RBFOX1: variants seen among roughly 807,000 people sequenced by gnomAD.
RBFOX1 encodes RNA binding fox-1 homolog 1, also known as RNA binding protein fox-1 homolog 1.
In RBFOX1, 8 loss-of-function variants were observed where a neutral mutation model predicts 57.7. The observed-to-expected ratio is 0.14, with a 90% CI of 0.08 to 0.25. The LOEUF (loss-of-function observed/expected upper bound fraction) is 0.25. Ranked by LOEUF, RBFOX1 falls within the 10% of genes least tolerant of loss-of-function variation. The pLI is 1.00. For synonymous variants in RBFOX1, 326 were observed against 222.4 expected, an observed-to-expected ratio of 1.47 and a Z score of -4.15; for missense variants, 611 against 548.5, an observed-to-expected ratio of 1.11 and a Z score of -1.14.
At chr16:6,285,612 G>A (rs752073074) in intron 1 of RBFOX1, among the ~76,000 whole-genome samples, 2 of 152,148 alleles carry the variant, frequency 1.3e-5, no homozygotes, top group Non-Finnish European at 2.9e-5. Context: ...GTTCTGGTGA[G>A]AGGTTTGCTT....
intron 3 of RBFOX1, among the ~76,000 whole-genome samples, chr16:5,752,922 G>C (rs963186620): frequency 7.2e-5 from 11 of 152,302 alleles, no homozygotes; most frequent in Middle Eastern, 3.4e-3. Flanking sequence ...GCTGAGGCAA[G>C]AGGATCGCTT....
chr16:7,303,018 C>G (rs1322754634), intron 4 of RBFOX1, among the ~76,000 whole-genome samples: 1 of 152,188 alleles, frequency 6.6e-6, no homozygotes, highest in Non-Finnish European at 1.5e-5. Flanking sequence ...TTATCAGACA[C>G]GGACTTCCCT....
chr16:6,077,801 C>T (rs1201131282), intron 1 of RBFOX1, among the ~76,000 whole-genome samples: 3 of 151,888 alleles, frequency 2.0e-5, no homozygotes, highest in East Asian at 1.9e-4. Flanking sequence ...ACTGCAGCCT[C>T]GACCTCCTGG....
At chr16:5,850,002 CCTT>C (rs1312659767) in intron 3 of RBFOX1, among the ~76,000 whole-genome samples, 1 of 152,152 alleles carries the variant, frequency 6.6e-6, no homozygotes, top group Non-Finnish European at 1.5e-5. Context: ...GCTTGTTTCT[CCTT>C]CTAATTAATT....
chr16:7,250,924 C>T (rs150185089), intron 4 of RBFOX1, among the ~76,000 whole-genome samples: 11 of 152,210 alleles, frequency 7.2e-5, no homozygotes, highest in African/African-American at 1.9e-4. Flanking sequence ...TTATCATGTA[C>T]AACATGACGT....
chr16:6,035,685 C>G (rs1214701834), intron 1 of RBFOX1, among the ~76,000 whole-genome samples: 1 of 152,166 alleles, frequency 6.6e-6, no homozygotes. Context: ...ATTCTTTTCC[C>G]CCCTCATCAG....
At chr16:5,432,700 G>A (rs1567503277) in intron 1 of RBFOX1, among the ~76,000 whole-genome samples, 1 of 151,896 alleles carries the variant, frequency 6.6e-6, no homozygotes, top group Middle Eastern at 3.4e-3. Context: ...CCCAGGCTCC[G>A]AGTTTATGGG....
intron 4 of RBFOX1, among the ~76,000 whole-genome samples, chr16:7,223,300 G>C (rs1158629840): frequency 6.6e-6 from 1 of 152,178 alleles, no homozygotes; most frequent in East Asian, 1.9e-4. Context: ...TCTCTTGATT[G>C]TCAGAGCATG....
intron 4 of RBFOX1, among the ~76,000 whole-genome samples, chr16:7,338,236 C>T (rs1461152154): frequency 6.6e-6 from 1 of 151,118 alleles, no homozygotes; most frequent in African/African-American, 2.4e-5. Context: ...TATCATTTAC[C>T]GTTTCTATGC....
intron 3 of RBFOX1, among the ~76,000 whole-genome samples, chr16:6,921,686 A>G (rs918263396): frequency 6.0e-5 from 9 of 151,192 alleles, no homozygotes; most frequent in African/African-American, 2.2e-4. Context: ...AATAGACAGT[A>G]TGGCAGGCAG....
chr16:7,408,416 A>C (rs1342348401), intron 4 of RBFOX1, among the ~76,000 whole-genome samples: 2 of 152,236 alleles, frequency 1.3e-5, no homozygotes, highest in Non-Finnish European at 2.9e-5. Context: ...GTCACTGCAC[A>C]GAGATGAATG....
chr16:6,866,436 C>T (rs1215194376), intron 3 of RBFOX1, among the ~76,000 whole-genome samples: 1 of 151,562 alleles, frequency 6.6e-6, no homozygotes, highest in Non-Finnish European at 1.5e-5. Flanking sequence ...AGTGTCTTTC[C>T]CATCTGCATC....
At chr16:7,083,210 C>T (rs574000001) in intron 4 of RBFOX1, among the ~76,000 whole-genome samples, 2 of 151,980 alleles carry the variant, frequency 1.3e-5, no homozygotes, top group Non-Finnish European at 2.9e-5. Context: ...TGTTCCATTC[C>T]GTCTGTTTAA....
intron 4 of RBFOX1, among the ~76,000 whole-genome samples, chr16:7,094,255 A>G (rs2061331497): frequency 6.6e-6 from 1 of 152,070 alleles, no homozygotes; most frequent in Admixed American, 6.6e-5. Context: ...AACAAATTGA[A>G]AAATTGATAT....
intron 4 of RBFOX1, among the ~76,000 whole-genome samples, chr16:7,295,959 G>C (rs534909239): frequency 6.6e-6 from 1 of 152,148 alleles, no homozygotes; most frequent in East Asian, 1.9e-4. Flanking sequence ...GAACCTGTGG[G>C]GGTAAAGAGA....
intron 2 of RBFOX1, among the ~76,000 whole-genome samples, chr16:6,521,003 G>T (rs746792789): frequency 2.0e-5 from 3 of 152,112 alleles, no homozygotes; most frequent in Non-Finnish European, 4.4e-5. Flanking sequence ...ATTTTCCGAA[G>T]GGTAATTTGT....
chr16:7,303,115 C>T (rs1201692199), intron 4 of RBFOX1, among the ~76,000 whole-genome samples: 1 of 152,208 alleles, frequency 6.6e-6, no homozygotes, highest in Non-Finnish European at 1.5e-5. Context: ...CACGTTAGTC[C>T]AACAGGCTTG....
chr16:5,586,019 C>T (rs1355923487), intron 2 of RBFOX1, among the ~76,000 whole-genome samples: 2 of 152,156 alleles, frequency 1.3e-5, no homozygotes, highest in Non-Finnish European at 2.9e-5. Context: ...AATCCAACGA[C>T]TGGTGTCTTT....
intron 1 of RBFOX1, chr16:5,366,011 A>G (rs1451274336): frequency 2.0e-6 from 1 of 497,332 alleles, no homozygotes; most frequent in Non-Finnish European, 4.0e-6. Context: ...CAGTCCAATT[A>G]AAGTAACACT....
Sources: gnomAD v4.1 joint callset for allele counts (sites outside exome capture counted in the v4.1 genomes callset) on GRCh38, gnomAD v4.1.1 for gene constraint, MANE v1.5 for transcripts, NCBI Gene and HGNC (gene_info 2026-07-23, HGNC 2026-07-21) for gene names.